Variants in HPR observed in about 807,000 individuals in gnomAD.
HPR encodes Haptoglobin-related locus.
A neutral mutation model predicts 18.5 loss-of-function variants in HPR; 17 were observed. The observed-to-expected ratio is 0.92, with a 90% CI of 0.63 to 1.38. The LOEUF is 1.38. Among genes scored for constraint, HPR ranks in the 40% most tolerant of loss-of-function variants. The pLI, the probability that HPR is intolerant of heterozygous loss-of-function variation, is 0.00. For synonymous variants in HPR, 176 were observed against 165.0 expected, an observed-to-expected ratio of 1.07 and a Z score of -0.51; for missense variants, 457 against 432.4, an observed-to-expected ratio of 1.06 and a Z score of -0.51.
chr16:72,065,674 C>T (rs1204750825), intron 1 of HPR, among the ~76,000 whole-genome samples: 1 of 152,152 alleles, frequency 6.6e-6, no homozygotes, highest in African/African-American at 2.4e-5. Flanking sequence ...TGTAATGAGT[C>T]AACTCCTAAT....
chr16:72,073,785 T>C, intron 1 of HPR, 107 bp from the exon 2 acceptor site: 1 of 1,597,466 alleles, frequency 6.3e-7, no homozygotes. Flanking sequence ...TATGCATGTG[T>C]GTGTGTGCGT....
At chr16:72,065,360 T>G (rs531361730) in intron 1 of HPR, among the ~76,000 whole-genome samples, 1 of 152,110 alleles carries the variant, frequency 6.6e-6, no homozygotes, top group African/African-American at 2.4e-5. Context: ...AAATTCCTAA[T>G]ATGAGGAACT....
Position 72,068,606 on chromosome 16 carries a change from T to C in HPR, c.6-5286T>C, listed in dbSNP as rs370597854. Reference sequence around the variant, plus strand: ...CTTTTCGTCAGCGTGAAAAATGGGGTGGCTTTAGGGGTGCTTATCCAAGAG... The same window carrying C: ...CTTTTCGTCAGCGTGAAAAATGGGGCGGCTTTAGGGGTGCTTATCCAAGAG... On this transcript the variant is annotated intron_variant, in intron 1 of 4. Transcript: ENST00000540303. 2.2e-4 allele frequency among the ~76,000 whole-genome samples: 33 copies of C among 152,168 alleles called. 2 individuals are homozygous for C. The highest frequency in any genetic ancestry group is 1.0e-3 in the Admixed American group (16 of 15,286).
chr16:72,069,820 G>A (rs1020908688), intron 1 of HPR, among the ~76,000 whole-genome samples: 4 of 152,116 alleles, frequency 2.6e-5, no homozygotes, highest in Non-Finnish European at 5.9e-5. Context: ...CCCCCAATTG[G>A]TCATTTAAAA....
chr16:72,067,216 T>C (rs984099691), intron 1 of HPR, among the ~76,000 whole-genome samples: 2 of 152,080 alleles, frequency 1.3e-5, no homozygotes, highest in African/African-American at 2.4e-5. Flanking sequence ...CCAGGAGCCC[T>C]TGATAAATTT....
chr16:72,074,608 T>C (rs2041697755), intron 3 of HPR: 2 of 717,148 alleles, frequency 2.8e-6, no homozygotes, highest in Non-Finnish European at 5.2e-6. Context: ...GGTGATGCCA[T>C]GCAGCCTACC....
At chr16:72,073,768 G>A (rs748782977) in intron 1 of HPR, 124 bp from the exon 2 acceptor site, 1 of 1,588,984 alleles carries the variant, frequency 6.3e-7, no homozygotes, top group Non-Finnish European at 8.5e-7. Flanking sequence ...TGGGAGGAGT[G>A]TGTGTGTATG....
chr16:72,068,030 G>C (rs2144064086), intron 1 of HPR, among the ~76,000 whole-genome samples: 1 of 152,290 alleles, frequency 6.6e-6, no homozygotes, highest in African/African-American at 2.4e-5. Context: ...GGTATCAATG[G>C]ACAGTCTTGC....
chr16:72,075,556 T>C (rs1298707744), intron 4 of HPR, among the ~76,000 whole-genome samples: 8 of 152,148 alleles, frequency 5.3e-5, no homozygotes, highest in Non-Finnish European at 1.0e-4. Flanking sequence ...AGGGATAACA[T>C]AAAATCTTAA....
Position 72,077,104 on chromosome 16 carries a change from T to C in HPR, c.*23T>C. ...TAATGCAAGGCTGGCCGGAAGCCCT[T>C]GCCTGAAAGCAAGATTTCAGCCTGG... is the stretch of plus-strand genomic sequence containing the variant. On this transcript the variant is annotated 3_prime_UTR_variant, in exon 5 of 5. Coordinates refer to ENST00000540303, the MANE Select transcript of HPR (RefSeq NM_020995.4). 6.3e-7 allele frequency: 1 copy of C among 1,589,428 alleles called. No homozygotes were observed. Among genetic ancestry groups the C allele is most frequent in the Non-Finnish European group, 8.6e-7 (1 of 1,164,682 alleles).
At chr16:72,070,579 C>A (rs1421700170) in intron 1 of HPR, among the ~76,000 whole-genome samples, 1 of 152,188 alleles carries the variant, frequency 6.6e-6, no homozygotes, top group Non-Finnish European at 1.5e-5. Context: ...CCAGGGCTCA[C>A]CCCAACCAAA....
At chr16:72,072,963 T>C (rs879344424) in intron 1 of HPR, among the ~76,000 whole-genome samples, 1 of 152,184 alleles carries the variant, frequency 6.6e-6, no homozygotes, top group Non-Finnish European at 1.5e-5. Flanking sequence ...ACTCTCTGTG[T>C]TCTCCCTGCG....
At chr16:72,068,743 G>A (rs1450351954) in intron 1 of HPR, among the ~76,000 whole-genome samples, 5 of 152,120 alleles carry the variant, frequency 3.3e-5, no homozygotes, top group Non-Finnish European at 2.9e-5. Context: ...ATTAGTTGAA[G>A]AGAGTAGAAA....
At chr16:72,065,540 A>G (rs1249070383) in intron 1 of HPR, among the ~76,000 whole-genome samples, 1 of 152,142 alleles carries the variant, frequency 6.6e-6, no homozygotes, top group Non-Finnish European at 1.5e-5. Context: ...AAATACTGGA[A>G]AGATAATGAG....
At position 72,076,890 on chromosome 16, in the gene HPR, T is replaced by C; in HGVS notation, c.856T>C (p.Ser286Pro). The change falls in exon 5 of 5, where the codon TCT becomes CCT. Residue 286 changes from serine (S) to proline (P), a missense_variant. Physicochemically the swap from Ser to Pro is moderately conservative, Grantham distance 74. Transcript: ENST00000540303. ...LNEHTFCVGM[S>P]KYQEDTCYGD... ...CGAACACACCTTCTGTGTCGGCATG[T>C]CTAAGTACCAGGAAGACACCTGCTA... is the stretch of plus-strand genomic sequence containing the variant. 1 of 1,614,190 alleles carries C rather than the reference T, an allele frequency of 6.2e-7. No individual in the cohort carries two copies. The highest frequency in any genetic ancestry group is 8.5e-7 in the Non-Finnish European group (1 of 1,180,028).
intron 1 of HPR, among the ~76,000 whole-genome samples, chr16:72,065,766 C>T: frequency 6.6e-6 from 1 of 152,176 alleles, no homozygotes; most frequent in Non-Finnish European, 1.5e-5. Context: ...CTGTCCTCCT[C>T]TTTCCCTTAA....
At chr16:72,075,267 G>T (rs1397014676) in intron 4 of HPR, 48 bp downstream of exon 4, 1 of 1,055,652 alleles carries the variant, frequency 9.5e-7, no homozygotes, top group East Asian at 2.6e-5. Context: ...GGCGTCCAGC[G>T]GGGAACGTCC....
chr16:72,069,640 G>C (rs2041634516), intron 1 of HPR, among the ~76,000 whole-genome samples: 2 of 152,180 alleles, frequency 1.3e-5, no homozygotes, highest in Non-Finnish European at 2.9e-5. Flanking sequence ...GTGCGATGCA[G>C]TTCTCAGGGT....
At chr16:72,070,014 C>G (rs1451911258) in intron 1 of HPR, among the ~76,000 whole-genome samples, 2 of 152,254 alleles carry the variant, frequency 1.3e-5, no homozygotes, top group East Asian at 3.9e-4. Flanking sequence ...AAAGTTAGCC[C>G]AGGTACTAGA....
Sources: gnomAD v4.1 joint callset for allele counts (sites outside exome capture counted in the v4.1 genomes callset) on GRCh38, gnomAD v4.1.1 for gene constraint, MANE v1.5 for transcripts, NCBI Gene and HGNC (gene_info 2026-07-23, HGNC 2026-07-21) for gene names.